ROBO2: variants seen among roughly 807,000 people sequenced by gnomAD.
ROBO2 encodes the protein roundabout homolog 2.
In ROBO2, 53 loss-of-function variants were observed where a neutral mutation model predicts 160.8. That is an observed-to-expected ratio of 0.33 (90% confidence interval 0.26 to 0.41). The LOEUF is 0.41. ROBO2 is among the 10% of genes least tolerant of loss of function. ROBO2 has a pLI of 1.00. For synonymous variants in ROBO2, 664 were observed against 611.7 expected (o/e 1.09, Z -1.26); for missense variants, 1,577 against 1,722.4 (o/e 0.92, Z 1.49).
intron 2 of ROBO2, among the ~76,000 whole-genome samples, chr3:77,025,081 C>T (rs1258650438): frequency 6.6e-5 from 10 of 152,068 alleles, no homozygotes; most frequent in Non-Finnish European, 1.0e-4. Flanking sequence ...GGGTGGCTAG[C>T]TCCTCCCTTT....
At chr3:76,062,691 G>A (rs1318204772) in intron 2 of ROBO2, among the ~76,000 whole-genome samples, 1 of 152,200 alleles carries the variant, frequency 6.6e-6, no homozygotes, top group African/African-American at 2.4e-5. Flanking sequence ...CACAGGCACA[G>A]TATTCAAAGA....
intron 2 of ROBO2, among the ~76,000 whole-genome samples, chr3:76,840,525 G>T (rs1325172107): frequency 6.6e-6 from 1 of 150,874 alleles, no homozygotes; most frequent in Non-Finnish European, 1.5e-5. Context: ...CAGGAGAATC[G>T]CTTGAACCCA....
intron 2 of ROBO2, among the ~76,000 whole-genome samples, chr3:76,637,403 T>C (rs1337565938): frequency 6.7e-6 from 1 of 148,786 alleles, no homozygotes; most frequent in Non-Finnish European, 1.5e-5. Flanking sequence ...TTTCTTTCTT[T>C]CTTTATAAAG....
intron 2 of ROBO2, among the ~76,000 whole-genome samples, chr3:76,756,651 T>C (rs2060986724): frequency 1.3e-5 from 2 of 151,904 alleles, no homozygotes; most frequent in African/African-American, 4.8e-5. Flanking sequence ...GGTTCTTTAC[T>C]TTTAATTATC....
chr3:76,992,699 T>C (rs2060756673), intron 2 of ROBO2, among the ~76,000 whole-genome samples: 1 of 152,028 alleles, frequency 6.6e-6, no homozygotes, highest in South Asian at 2.1e-4. Flanking sequence ...AAATCTATCT[T>C]CCCCTGCCAT....
At chr3:77,416,511 G>A (rs2077234265) in intron 2 of ROBO2, among the ~76,000 whole-genome samples, 1 of 152,004 alleles carries the variant, frequency 6.6e-6, no homozygotes, top group Non-Finnish European at 1.5e-5. Context: ...AGGGTCATGA[G>A]TTTGAGAACA....
intron 2 of ROBO2, among the ~76,000 whole-genome samples, chr3:77,385,569 G>T (rs755977404): frequency 2.0e-5 from 3 of 152,096 alleles, no homozygotes; most frequent in Admixed American, 6.5e-5. Flanking sequence ...CTTGGGAAAA[G>T]CCTAAACATT....
intron 2 of ROBO2, among the ~76,000 whole-genome samples, chr3:76,946,885 AAGAT>A (rs1183923498): frequency 4.6e-5 from 7 of 152,332 alleles, no homozygotes; most frequent in African/African-American, 1.7e-4. Context: ...GCCGGGGACA[AAGAT>A]AGGGCTAATT....
intron 2 of ROBO2, among the ~76,000 whole-genome samples, chr3:76,187,618 C>CT (rs1701826384): frequency 6.6e-6 from 1 of 152,048 alleles, no homozygotes; most frequent in African/African-American, 2.4e-5. Context: ...TGTCACCTTT[C>CT]TCTATGTCAA....
chr3:76,747,116 C>A (rs1006697836), intron 2 of ROBO2, among the ~76,000 whole-genome samples: 1 of 151,988 alleles, frequency 6.6e-6, no homozygotes, highest in Non-Finnish European at 1.5e-5. Flanking sequence ...TAAACATATG[C>A]GTGCATGTAT....
At chr3:76,159,856 C>T (rs1442740181) in intron 2 of ROBO2, among the ~76,000 whole-genome samples, 1 of 151,862 alleles carries the variant, frequency 6.6e-6, no homozygotes, top group Non-Finnish European at 1.5e-5. Flanking sequence ...AAATGGTGGC[C>T]TTTAAAGAAT....
intron 2 of ROBO2, among the ~76,000 whole-genome samples, chr3:77,002,690 T>A (rs1380776431): frequency 6.6e-6 from 1 of 152,130 alleles, no homozygotes; most frequent in African/African-American, 2.4e-5. Context: ...GATTTTAGTC[T>A]TCAATGATAT....
In ROBO2 at chr3:76,528,077, T is replaced by C. The variant is rs983563655; in HGVS notation, c.110-569937T>C. Among the ~76,000 whole-genome samples the C allele has an allele frequency of 3.9e-5, 6 of 152,300 alleles. No individual in the cohort carries two copies. In the South Asian group the frequency reaches 1.0e-3, roughly 26 times the overall value. ...TTAGCTCTTACTTTGAATAATAATA[T>C]GAAATTTTATTTCTTCATTCTTAAC... On this transcript the variant is annotated intron_variant, in intron 2 of 26. Transcript: ENST00000487694.
In ROBO2 at chr3:76,653,398, T is replaced by C. The variant is rs543685374; in HGVS notation, c.110-444616T>C. Among the ~76,000 whole-genome samples, 6 of 150,498 alleles carry C rather than the reference T, an allele frequency of 4.0e-5. No homozygotes were observed. The South Asian group carries it at 1.2e-3, about 31-fold the overall frequency. ...TATAGTAAAATATATATAATATATATGAATATTAAATATATATTCATGAGA... is the reference window on the plus strand; with the variant it reads ...TATAGTAAAATATATATAATATATACGAATATTAAATATATATTCATGAGA... On this transcript the variant is annotated intron_variant, in intron 2 of 26. Coordinates refer to the ROBO2 transcript ENST00000487694.
chr3:77,487,882 T>C (rs2085565876), intron 4 of ROBO2, among the ~76,000 whole-genome samples: 1 of 152,222 alleles, frequency 6.6e-6, no homozygotes, highest in Non-Finnish European at 1.5e-5. Context: ...AAATAGCTGT[T>C]ACCACACAGT....
chr3:76,894,435 C>T (rs948907771), intron 2 of ROBO2, among the ~76,000 whole-genome samples: 5 of 151,948 alleles, frequency 3.3e-5, no homozygotes, highest in East Asian at 1.9e-4. Context: ...TATGTAAGAA[C>T]GACATTGTGT....
intron 2 of ROBO2, among the ~76,000 whole-genome samples, chr3:76,366,754 G>A (rs948294154): frequency 1.3e-5 from 2 of 151,882 alleles, no homozygotes; most frequent in Non-Finnish European, 2.9e-5. Context: ...TTCTATGTAT[G>A]ATCACTTACA....
At chr3:76,176,372 CAGGGATAAATAAA>C (rs1559614701) in intron 2 of ROBO2, among the ~76,000 whole-genome samples, 1 of 151,244 alleles carries the variant, frequency 6.6e-6, no homozygotes, top group Non-Finnish European at 1.5e-5. Context: ...GCTCCAAGGA[CAGGGATAAATAAA>C]ACTATTTTAC....
chr3:76,533,775 G>T (rs1286413182), intron 2 of ROBO2, among the ~76,000 whole-genome samples: 2 of 152,080 alleles, frequency 1.3e-5, no homozygotes, highest in Non-Finnish European at 1.5e-5. Flanking sequence ...AGGGGAGGGG[G>T]TCACAAGGTG....
Sources: gnomAD v4.1 joint callset for allele counts (sites outside exome capture counted in the v4.1 genomes callset) on GRCh38, gnomAD v4.1.1 for gene constraint, MANE v1.5 for transcripts, NCBI Gene and HGNC (gene_info 2026-07-23, HGNC 2026-07-21) for gene names.